WDR43: variants seen among roughly 807,000 people sequenced by gnomAD.
WDR43 encodes WD repeat-containing protein 43.
A neutral mutation model predicts 91.4 loss-of-function variants in WDR43; 13 were observed. That is an observed-to-expected ratio of 0.14 (90% CI 0.09 to 0.23). The LOEUF is 0.23. Ranked by LOEUF, WDR43 falls within the 10% of genes least tolerant of loss-of-function variation. The pLI, the probability that WDR43 is intolerant of heterozygous loss-of-function variation, is 1.00. For synonymous variants in WDR43, 331 were observed against 287.9 expected, an observed-to-expected ratio of 1.15 and a Z score of -1.51; for missense variants, 780 against 809.4, an observed-to-expected ratio of 0.96 and a Z score of 0.44.
intron 11 of WDR43, chr2:28,930,101 T>C (rs1048193425): frequency 2.1e-5 from 10 of 471,754 alleles, no homozygotes; most frequent in Admixed American, 1.4e-4. Flanking sequence ...CAGAAACTTA[T>C]TTCCCCCTGG....
At chr2:28,909,947 G>T (rs1490554867) in intron 3 of WDR43, among the ~76,000 whole-genome samples, 2 of 152,196 alleles carry the variant, frequency 1.3e-5, no homozygotes, top group Non-Finnish European at 2.9e-5. Context: ...TTTATAGAGT[G>T]ATTGGGAAGC....
chr2:28,930,194 G>T (rs747804970), intron 11 of WDR43: 2 of 447,150 alleles, frequency 4.5e-6, no homozygotes, highest in South Asian at 1.6e-5. Context: ...GGGTTATGTT[G>T]TAAAATATGT....
chr2:28,939,522 T>C (rs1671395980), intron 14 of WDR43, among the ~76,000 whole-genome samples: 1 of 152,180 alleles, frequency 6.6e-6, no homozygotes, highest in Admixed American at 6.5e-5. Context: ...TTTTCCTCGC[T>C]CTTTTCCTTC....
At chr2:28,935,765 A>G (rs1368501353) in intron 12 of WDR43, 158 bp downstream of exon 12, 5 of 303,444 alleles carry the variant, frequency 1.6e-5, no homozygotes, top group Admixed American at 5.8e-5. Context: ...AAAAAAAAAA[A>G]AAAGTGAAAT....
intron 2 of WDR43, chr2:28,905,111 G>C (rs1365179152): frequency 6.6e-6 from 1 of 152,196 alleles, no homozygotes; most frequent in African/African-American, 2.4e-5. Context: ...GGAAGTTGGG[G>C]AGATGGCAAG....
intron 3 of WDR43, among the ~76,000 whole-genome samples, chr2:28,911,528 T>C (rs758778167): frequency 3.3e-5 from 5 of 152,018 alleles, no homozygotes; most frequent in Admixed American, 6.6e-5. Context: ...TCTCCTGACC[T>C]TGTGATCCGC....
At chr2:28,942,228 TG>T in intron 15 of WDR43, 83 bp from the exon 16 acceptor site, 2 of 1,327,270 alleles carry the variant, frequency 1.5e-6, no homozygotes, top group Non-Finnish European at 2.1e-6. Context: ...CAGCAAGCAG[TG>T]GGGAAGGTTG....
intron 5 of WDR43, 98 bp from the exon 6 acceptor site, chr2:28,917,795 A>G: frequency 3.0e-6 from 3 of 1,007,808 alleles, no homozygotes; most frequent in Non-Finnish European, 4.4e-6. Context: ...GCTATTGGGA[A>G]TCTCATGTGC....
chr2:28,936,995 G>T (rs767609190), intron 13 of WDR43, 42 bp downstream of exon 13: 5 of 1,537,468 alleles, frequency 3.3e-6, no homozygotes. Context: ...TTGTCTGACA[G>T]CATGAAATTA....
intron 6 of WDR43, among the ~76,000 whole-genome samples, chr2:28,921,158 T>C (rs1338021171): frequency 6.6e-6 from 1 of 150,884 alleles, no homozygotes; most frequent in Admixed American, 6.6e-5. Context: ...AGACGGAGTC[T>C]TGCTTTGTCG....
chr2:28,912,065 T>C (rs1191724525), intron 3 of WDR43, among the ~76,000 whole-genome samples: 1 of 152,230 alleles, frequency 6.6e-6, no homozygotes, highest in African/African-American at 2.4e-5. Flanking sequence ...AATTAATTTT[T>C]ACCTGTCAGA....
chr2:28,929,517 TTGTC>T, intron 10 of WDR43, 58 bp from the exon 11 acceptor site: 15 of 1,364,874 alleles, frequency 1.1e-5, no homozygotes, highest in South Asian at 9.4e-5. Flanking sequence ...TTTATTTTTT[TTGTC>T]TCCAAACTAC....
At chr2:28,931,400 A>G (rs765097068) in intron 11 of WDR43, among the ~76,000 whole-genome samples, 8 of 151,976 alleles carry the variant, frequency 5.3e-5, no homozygotes, top group Non-Finnish European at 1.2e-4. Flanking sequence ...TCTTTAAAAC[A>G]AGATTCCAAC....
chr2:28,933,407 G>A (rs1253558338), intron 11 of WDR43, among the ~76,000 whole-genome samples: 1 of 152,142 alleles, frequency 6.6e-6, no homozygotes, highest in Non-Finnish European at 1.5e-5. Context: ...AGACTTGACT[G>A]TAAAACCTAA....
chr2:28,898,354 A>T (rs1036890714), intron 1 of WDR43, among the ~76,000 whole-genome samples: 3 of 152,208 alleles, frequency 2.0e-5, no homozygotes, highest in Non-Finnish European at 4.4e-5. Context: ...TGTGCTGTGC[A>T]GTGGTCTGTC....
chr2:28,926,793 A>G (rs1474758399), intron 9 of WDR43, among the ~76,000 whole-genome samples: 1 of 152,190 alleles, frequency 6.6e-6, no homozygotes, highest in African/African-American at 2.4e-5. Context: ...TTCCCTGCCC[A>G]CCATGCATGA....
chr2:28,896,048 G>A (rs2148174987), intron 1 of WDR43, among the ~76,000 whole-genome samples: 1 of 152,010 alleles, frequency 6.6e-6, no homozygotes, highest in East Asian at 1.9e-4. Context: ...TTATCCTGTT[G>A]ATTCATAAAA....
intron 5 of WDR43, among the ~76,000 whole-genome samples, chr2:28,917,095 C>T (rs776841149): frequency 1.3e-5 from 2 of 151,868 alleles, no homozygotes; most frequent in Non-Finnish European, 2.9e-5. Flanking sequence ...CAAGAAAGCA[C>T]AAAAATGCAA....
At chr2:28,932,251 C>T (rs896350502) in intron 11 of WDR43, among the ~76,000 whole-genome samples, 1 of 152,038 alleles carries the variant, frequency 6.6e-6, no homozygotes, top group Non-Finnish European at 1.5e-5. Context: ...GCAACCTCTG[C>T]CTCCCAGGTT....
Sources: gnomAD v4.1 joint callset for allele counts (sites outside exome capture counted in the v4.1 genomes callset) on GRCh38, gnomAD v4.1.1 for gene constraint, MANE v1.5 for transcripts, NCBI Gene and HGNC (gene_info 2026-07-23, HGNC 2026-07-21) for gene names.